CTSC: variants seen among roughly 807,000 people sequenced by gnomAD.
The protein encoded by CTSC is cathepsin C, also known as dipeptidyl peptidase 1.
In CTSC, 37 loss-of-function variants were observed where a neutral mutation model predicts 40.9. The observed-to-expected ratio is 0.91, with a 90% confidence interval of 0.70 to 1.19. CTSC has a LOEUF of 1.19. CTSC is among the 50% of genes most tolerant of loss of function. The probability of loss-of-function intolerance (pLI) is 0.00; values close to 1 mark genes in which losing one functional copy is unlikely to be tolerated. For missense variants in CTSC, 594 were observed against 567.3 expected (o/e 1.05, Z -0.48); for synonymous variants, 232 against 207.4 (o/e 1.12, Z -1.02).
rs913987851 is a variant in CTSC, at chr11:88,320,881, A to G, written c.319-8327T>C. On this transcript the variant is annotated intron_variant, in intron 2 of 6. Coordinates refer to ENST00000227266, the MANE Select transcript of CTSC (RefSeq NM_001814.6). ...TATTATTGGTCATATATCGTGTAATACATAGGGAATCAAATGGTTAGTAAG... is the reference window on the plus strand; with the variant it reads ...TATTATTGGTCATATATCGTGTAATGCATAGGGAATCAAATGGTTAGTAAG... 1.4e-5 allele frequency: 12 copies of G among 849,648 alleles called. No homozygotes were observed. In the South Asian group the frequency reaches 4.9e-4, roughly 35 times the overall value. The allele number at this position is 849,648 out of a possible 1,614,324, so 52.6% of individuals were successfully genotyped here.
chr11:88,313,541 G>C (rs1937813491), intron 2 of CTSC, among the ~76,000 whole-genome samples: 1 of 152,108 alleles, frequency 6.6e-6, no homozygotes, highest in South Asian at 2.1e-4. Flanking sequence ...TCCAGGATTT[G>C]AACTAAGATG....
chr11:88,331,897 C>T (rs1396041238), intron 2 of CTSC, among the ~76,000 whole-genome samples: 1 of 152,072 alleles, frequency 6.6e-6, no homozygotes, highest in African/African-American at 2.4e-5. Context: ...GTTTCTGTAA[C>T]AAGGGTCTTG....
chr11:88,334,817 G>C, intron 2 of CTSC, 120 bp downstream of exon 2: 1 of 750,654 alleles, frequency 1.3e-6, no homozygotes, highest in South Asian at 1.5e-5. Context: ...CTTGGGAAGA[G>C]TGGTGTCAAT....
At chr11:88,308,132 G>C (rs1373202806) in intron 4 of CTSC, among the ~76,000 whole-genome samples, 3 of 152,132 alleles carry the variant, frequency 2.0e-5, no homozygotes, top group African/African-American at 7.2e-5. Context: ...GTGAAAGAGA[G>C]CTAAGCTAAC....
intron 2 of CTSC, chr11:88,326,494 T>C: frequency 1.7e-6 from 2 of 1,142,872 alleles, no homozygotes; most frequent in Non-Finnish European, 1.3e-6. Flanking sequence ...TCATATTGTC[T>C]CTTAATATTT....
Position 88,337,634 on chromosome 11 carries a change from C to CAGGAGGGCGGCGAGCAGCA in CTSC, c.20_38dup (p.Leu14AlafsTer27). The CAGGAGGGCGGCGAGCAGCA allele has an allele frequency of 6.3e-7, 1 of 1,584,772 alleles. No homozygotes were observed. Among genetic ancestry groups the CAGGAGGGCGGCGAGCAGCA allele is most frequent in the Non-Finnish European group, 8.6e-7 (1 of 1,164,940 alleles). On this transcript the variant is annotated frameshift_variant, in exon 1 of 7. Coordinates refer to ENST00000227266, the MANE Select transcript of CTSC (RefSeq NM_001814.6). LOFTEE classifies it high-confidence loss of function. ...CGGCGCCGTCGCCGGAGAGAAGCAG[C>CAGGAGGGCGGCGAGCAGCA]AGGAGGGCGGCGAGCAGCAAGGAGG...
In CTSC at chr11:88,337,693, G is replaced by A. The variant is rs764249234; in HGVS notation, c.-21C>T. 4 of 1,560,108 alleles carry A rather than the reference G, an allele frequency of 2.6e-6. No homozygotes were observed. Among genetic ancestry groups the A allele is most frequent in the Admixed American group, 3.8e-5 (2 of 52,216 alleles). ...CCCATGCTGCAGGGAGCTGAGAAAA[G>A]AGGTGAAGAATTACCAGGAAGCCGA... On this transcript the variant is annotated 5_prime_UTR_variant, in exon 1 of 7. Coordinates refer to ENST00000227266, the MANE Select transcript of CTSC (RefSeq NM_001814.6).
rs202122541 is a variant in CTSC at position 88,318,115 on chromosome 11, G to GA, written c.319-5562dup. 1.3e-4 allele frequency among the ~76,000 whole-genome samples: 19 copies of GA among 151,164 alleles called. No individual in the cohort carries two copies. In the East Asian group the frequency reaches 2.3e-3, roughly 18 times the overall value. On this transcript the variant is annotated intron_variant, in intron 2 of 6. Transcript: ENST00000227266. ...ACTGCTTTTTGACACTGAGGAGAGGGAAAAAAAAATTCCTTAAACCTGTTC... is the reference window on the plus strand; with the variant it reads ...ACTGCTTTTTGACACTGAGGAGAGGGAAAAAAAAAATTCCTTAAACCTGTTC...
chr11:88,335,494 T>C (rs1261156849), intron 1 of CTSC, among the ~76,000 whole-genome samples: 2 of 152,156 alleles, frequency 1.3e-5, no homozygotes, highest in Admixed American at 6.5e-5. Flanking sequence ...GGTGGAAGGA[T>C]TGCTTGAGCC....
intron 5 of CTSC, chr11:88,299,671 A>G (rs1944336978): frequency 6.6e-6 from 1 of 152,234 alleles, no homozygotes; most frequent in Admixed American, 6.5e-5. Flanking sequence ...TGGGTACTAT[A>G]AATTTATAAT....
At chr11:88,319,090 C>T (rs1371700210) in intron 2 of CTSC, among the ~76,000 whole-genome samples, 1 of 152,086 alleles carries the variant, frequency 6.6e-6, no homozygotes, top group East Asian at 1.9e-4. Context: ...TCACATCTGC[C>T]TGCTTAAACT....
intron 2 of CTSC, chr11:88,328,317 T>C: frequency 1.4e-6 from 1 of 735,690 alleles, no homozygotes; most frequent in Middle Eastern, 2.6e-4. Context: ...TTTCCTCCAC[T>C]GAAATACTCT....
At chr11:88,333,677 A>T (rs1283629416) in intron 2 of CTSC, among the ~76,000 whole-genome samples, 1 of 149,464 alleles carries the variant, frequency 6.7e-6, no homozygotes, top group Admixed American at 6.7e-5. Context: ...ATTTATATAG[A>T]TACTATTGTA....
intron 2 of CTSC, among the ~76,000 whole-genome samples, chr11:88,318,302 T>C (rs1000131899): frequency 6.6e-5 from 10 of 152,234 alleles, no homozygotes; most frequent in Non-Finnish European, 1.3e-4. Flanking sequence ...TCAAAACTAG[T>C]GAGCCTCAGT....
chr11:88,299,651 A>T (rs1397244984), intron 5 of CTSC: 3 of 152,240 alleles, frequency 2.0e-5, no homozygotes, highest in African/African-American at 7.2e-5. Context: ...GGGAAACAAC[A>T]GTTTATCTTT....
chr11:88,306,444 T>TC (rs1937633045), intron 4 of CTSC, among the ~76,000 whole-genome samples: 1 of 144,730 alleles, frequency 6.9e-6, no homozygotes, highest in Non-Finnish European at 1.5e-5. Context: ...CCCCCATCCT[T>TC]CCCCCATATA....
chr11:88,308,723 C>T (rs565119852), intron 4 of CTSC, among the ~76,000 whole-genome samples: 2 of 152,098 alleles, frequency 1.3e-5, no homozygotes, highest in South Asian at 4.2e-4. Flanking sequence ...AAACCCCTAC[C>T]TATGAGCTTT....
At chr11:88,309,556 A>C (rs1256959908) in intron 3 of CTSC, among the ~76,000 whole-genome samples, 1 of 152,172 alleles carries the variant, frequency 6.6e-6, no homozygotes, top group African/African-American at 2.4e-5. Flanking sequence ...AACTACTAAT[A>C]GATTGTAAAT....
intron 2 of CTSC, chr11:88,326,502 T>A: frequency 9.4e-7 from 1 of 1,068,838 alleles, no homozygotes; most frequent in Non-Finnish European, 1.4e-6. Flanking sequence ...TCTCTTAATA[T>A]TTAATCATAT....
Sources: allele counts gnomAD v4.1 joint callset (sites outside exome capture counted in the v4.1 genomes callset), GRCh38; gene constraint gnomAD v4.1.1; transcripts MANE v1.5; gene names NCBI Gene and HGNC (gene_info 2026-07-23, HGNC 2026-07-21).